The following WDPCP variants were observed in gnomAD, a reference collection of about 807,000 sequenced individuals.
WDPCP encodes WD repeat-containing and planar cell polarity effector protein fritz homolog.
A neutral mutation model predicts 93.1 loss-of-function variants in WDPCP; 71 were observed. The observed-to-expected ratio is 0.76, with a 90% CI of 0.63 to 0.93. WDPCP has a LOEUF of 0.93. Ranked by LOEUF, WDPCP falls within the 40% of genes least tolerant of loss-of-function variation. The pLI, the probability that WDPCP is intolerant of heterozygous loss-of-function variation, is 0.00. For synonymous variants in WDPCP, 315 were observed against 315.0 expected, an observed-to-expected ratio of 1.00 and a Z score of 0.00; for missense variants, 844 against 887.4, an observed-to-expected ratio of 0.95 and a Z score of 0.62.
At chr2:63,541,694 A>G (rs1704743821) in intron 1 of WDPCP, among the ~76,000 whole-genome samples, 1 of 152,194 alleles carries the variant, frequency 6.6e-6, no homozygotes, top group Non-Finnish European at 1.5e-5. Flanking sequence ...AGAGTCATGT[A>G]AAAGCCAGTG....
intron 12 of WDPCP, among the ~76,000 whole-genome samples, chr2:63,323,219 C>CG (rs1687262431): frequency 6.6e-6 from 1 of 152,202 alleles, no homozygotes; most frequent in Non-Finnish European, 1.5e-5. Flanking sequence ...TGGGTCCTAA[C>CG]GCCTGCCAGA....
chr2:63,791,360 G>A (rs1670543325), intron 2 of WDPCP, among the ~76,000 whole-genome samples: 1 of 152,162 alleles, frequency 6.6e-6, no homozygotes, highest in African/African-American at 2.4e-5. Context: ...TCCTTACTTA[G>A]TATTCCAATT....
chr2:63,138,386 TTTAA>T (rs551544165), intron 17 of WDPCP, among the ~76,000 whole-genome samples: 158 of 152,190 alleles, frequency 1.0e-3, no homozygotes, highest in South Asian at 2.1e-3. Context: ...GCTATTTTAT[TTTAA>T]TTAATTAATT....
intron 13 of WDPCP, among the ~76,000 whole-genome samples, chr2:63,312,377 A>G (rs1165589224): frequency 6.6e-6 from 1 of 152,198 alleles, no homozygotes; most frequent in Non-Finnish European, 1.5e-5. Flanking sequence ...CTGGCTTTCA[A>G]GAGGCTTTTG....
chr2:63,276,731 T>C (rs1395594427), intron 13 of WDPCP, among the ~76,000 whole-genome samples: 1 of 152,220 alleles, frequency 6.6e-6, no homozygotes, highest in Non-Finnish European at 1.5e-5. Flanking sequence ...TTGGGATTTG[T>C]TAAGTGTCCA....
intron 2 of WDPCP, among the ~76,000 whole-genome samples, chr2:63,678,665 C>T (rs1172144012): frequency 1.3e-5 from 2 of 152,202 alleles, no homozygotes; most frequent in African/African-American, 4.8e-5. Flanking sequence ...TAATCAGATG[C>T]ACTTGTGCAA....
intron 13 of WDPCP, among the ~76,000 whole-genome samples, chr2:63,309,229 G>A (rs1184181214): frequency 6.6e-6 from 1 of 152,140 alleles, no homozygotes; most frequent in Non-Finnish European, 1.5e-5. Flanking sequence ...TGACAAACCT[G>A]TCCATGTACT....
chr2:63,591,686 T>C (rs1447482269), upstream of WDPCP, among the ~76,000 whole-genome samples: 1 of 152,228 alleles, frequency 6.6e-6, no homozygotes, highest in Non-Finnish European at 1.5e-5. Flanking sequence ...ACAAATACTT[T>C]TTGTGGAAAT....
At chr2:63,363,351 C>T (rs771568757) in intron 12 of WDPCP, among the ~76,000 whole-genome samples, 19 of 152,062 alleles carry the variant, frequency 1.2e-4, no homozygotes, top group Non-Finnish European at 2.2e-4. Context: ...GTAATCCCAG[C>T]ACTTTGGGAG....
intron 13 of WDPCP, among the ~76,000 whole-genome samples, chr2:63,294,048 C>G (rs940098870): frequency 1.4e-4 from 22 of 152,188 alleles, no homozygotes; most frequent in Non-Finnish European, 2.6e-4. Context: ...AATAAACCCA[C>G]TGTGAGACAC....
intron 15 of WDPCP, among the ~76,000 whole-genome samples, chr2:63,168,137 A>C (rs945154374): frequency 5.3e-5 from 8 of 150,994 alleles, no homozygotes; most frequent in Non-Finnish European, 1.2e-4. Flanking sequence ...AAGGAATAGT[A>C]AGTTAAAATC....
At chr2:63,126,666 GTTT>G (rs763749429) in intron 17 of WDPCP, among the ~76,000 whole-genome samples, 4 of 98,114 alleles carry the variant, frequency 4.1e-5, no homozygotes, top group African/African-American at 7.4e-5. Flanking sequence ...CTTGTTTTGT[GTTT>G]TTTTTTTTTT....
At chr2:63,192,198 C>G (rs1325642737) in intron 14 of WDPCP, among the ~76,000 whole-genome samples, 2 of 152,116 alleles carry the variant, frequency 1.3e-5, no homozygotes, top group Non-Finnish European at 2.9e-5. Context: ...GTGAAAAACT[C>G]AGGAGACCAG....
intron 6 of WDPCP, among the ~76,000 whole-genome samples, chr2:63,481,902 A>G (rs776224991): frequency 2.0e-5 from 3 of 151,998 alleles, no homozygotes; most frequent in Non-Finnish European, 2.9e-5. Context: ...ATAAAAAACA[A>G]AAATAAAATT....
intron 2 of WDPCP, among the ~76,000 whole-genome samples, chr2:63,757,149 A>G (rs188873380): frequency 6.6e-6 from 1 of 152,336 alleles, no homozygotes; most frequent in Admixed American, 6.5e-5. Flanking sequence ...CAGTCAAAGA[A>G]GAAAATGAAA....
intron 3 of WDPCP, among the ~76,000 whole-genome samples, chr2:63,603,655 C>CTTTTTT (rs11297982): frequency 2.0e-4 from 20 of 99,084 alleles, no homozygotes; most frequent in Non-Finnish European, 2.9e-4. Context: ...CAAGACATTT[C>CTTTTTT]TTTTTTTTTT....
At chr2:63,730,733 A>T (rs908112069) in intron 2 of WDPCP, among the ~76,000 whole-genome samples, 2 of 152,174 alleles carry the variant, frequency 1.3e-5, no homozygotes, top group African/African-American at 4.8e-5. Context: ...GTACTGAGAA[A>T]AGAGAAAAGA....
chr2:63,664,102 G>A (rs1710257844), intron 2 of WDPCP, among the ~76,000 whole-genome samples: 1 of 152,218 alleles, frequency 6.6e-6, no homozygotes, highest in African/African-American at 2.4e-5. Context: ...CATGCAGATA[G>A]AGAGGCTCAG....
intron 12 of WDPCP, among the ~76,000 whole-genome samples, chr2:63,341,583 T>A (rs921175729): frequency 1.3e-5 from 2 of 152,204 alleles, no homozygotes; most frequent in Non-Finnish European, 2.9e-5. Context: ...CTCAATTTCC[T>A]TATTGACTTT....
Sources: allele counts gnomAD v4.1 joint callset (sites outside exome capture counted in the v4.1 genomes callset), GRCh38; gene constraint gnomAD v4.1.1; transcripts MANE v1.5; gene names NCBI Gene and HGNC (gene_info 2026-07-23, HGNC 2026-07-21).